Variants in PAN3 observed in about 807,000 individuals in gnomAD.
PAN3 encodes the protein PAN2-PAN3 deadenylation complex subunit PAN3.
A neutral mutation model predicts 96.2 loss-of-function variants in PAN3; 19 were observed. The observed-to-expected ratio is 0.20, with a 90% confidence interval of 0.14 to 0.29. The LOEUF (loss-of-function observed/expected upper bound fraction) is 0.29, where lower values mean the gene tolerates loss of function less well. Ranked by LOEUF, PAN3 falls within the 10% of genes least tolerant of loss-of-function variation. The pLI is 1.00. For synonymous variants in PAN3, 433 were observed against 406.6 expected (o/e 1.06, Z -0.78); for missense variants, 882 against 1,108.1 (o/e 0.80, Z 2.90).
At chr13:28,194,460 ATATATATTTTTTTTT>A (rs1278733584) in intron 4 of PAN3, among the ~76,000 whole-genome samples, 1 of 101,402 alleles carries the variant, frequency 9.9e-6, no homozygotes, top group Non-Finnish European at 1.9e-5. Context: ...GTATATATAT[ATATATATTTTTTTTT>A]TTTTTTTTTT....
At chr13:28,261,987 A>G (rs976056955) in intron 9 of PAN3, among the ~76,000 whole-genome samples, 8 of 152,168 alleles carry the variant, frequency 5.3e-5, no homozygotes, top group Non-Finnish European at 5.9e-5. Context: ...GAATATTTTT[A>G]TCTCCTGAAA....
chr13:28,225,868 G>A (rs535188724), intron 6 of PAN3, among the ~76,000 whole-genome samples: 6 of 152,208 alleles, frequency 3.9e-5, no homozygotes, highest in Admixed American at 3.9e-4. Context: ...TCAGGCAACC[G>A]GGGAGAAGTA....
At chr13:28,240,482 A>G (rs1373405987) in intron 6 of PAN3, among the ~76,000 whole-genome samples, 1 of 152,198 alleles carries the variant, frequency 6.6e-6, no homozygotes, top group Non-Finnish European at 1.5e-5. Flanking sequence ...TATTTTAATC[A>G]TTTGAAAGTT....
chr13:28,201,869 G>A (rs957005382), intron 5 of PAN3, among the ~76,000 whole-genome samples: 1 of 152,156 alleles, frequency 6.6e-6, no homozygotes, highest in African/African-American at 2.4e-5. Context: ...ACCTTTGCAT[G>A]TGGGTAAATA....
chr13:28,239,026 G>A (rs1392008529), intron 6 of PAN3, among the ~76,000 whole-genome samples: 2 of 151,964 alleles, frequency 1.3e-5, no homozygotes, highest in Non-Finnish European at 2.9e-5. Context: ...AAGTGAATCA[G>A]AACCTTGAAT....
At chr13:28,237,787 T>G (rs1301775714) in intron 6 of PAN3, among the ~76,000 whole-genome samples, 1 of 152,212 alleles carries the variant, frequency 6.6e-6, no homozygotes, top group East Asian at 1.9e-4. Context: ...TGTGTACTCA[T>G]GTGTTCAAGT....
intron 6 of PAN3, chr13:28,239,858 TTA>T: frequency 2.9e-6 from 1 of 340,004 alleles, no homozygotes; most frequent in Non-Finnish European, 5.6e-6. Context: ...TCAAACTTCT[TTA>T]AAGTGGATAA....
chr13:28,231,546 CATAG>C (rs1391904268), intron 6 of PAN3, among the ~76,000 whole-genome samples: 3 of 152,060 alleles, frequency 2.0e-5, no homozygotes, highest in Non-Finnish European at 4.4e-5. Context: ...AAGTATCTAT[CATAG>C]ATAGATATTC....
intron 6 of PAN3, among the ~76,000 whole-genome samples, chr13:28,247,837 A>G (rs150880812): frequency 1.3e-5 from 2 of 152,252 alleles, no homozygotes; most frequent in East Asian, 3.9e-4. Context: ...ACTTTGTAAT[A>G]TATTTTGAAG....
chr13:28,139,099 T>C lies in PAN3; in HGVS notation c.430+12T>C. On this transcript the variant is annotated intron_variant, in intron 1 of 18. Coordinates refer to ENST00000380958, the MANE Select transcript of PAN3 (RefSeq NM_175854.8). ...ACCGCGGCTGGCAAGTGAGTGTTTT[T>C]CGGGCGGGGCGGGCCGCGGCGGCGG... 1 of 1,260,422 alleles carries C rather than the reference T, an allele frequency of 7.9e-7. No homozygotes were observed. Among genetic ancestry groups the C allele is most frequent in the Non-Finnish European group, 1.0e-6 (1 of 1,003,718 alleles). The allele number at this position is 1,260,422 out of a possible 1,614,324, so 78.1% of individuals were successfully genotyped here. A position where few individuals can be genotyped will look rare whatever the true frequency, so the allele number is the denominator to read the frequency against.
At chr13:28,252,840 C>G (rs187904363) in intron 6 of PAN3, among the ~76,000 whole-genome samples, 148 of 152,060 alleles carry the variant, frequency 9.7e-4, no homozygotes, top group African/African-American at 3.4e-3. Flanking sequence ...AAATTTTCAT[C>G]CTTCTAGATT....
intron 18 of PAN3, among the ~76,000 whole-genome samples, chr13:28,289,858 G>A (rs1280428733): frequency 6.6e-6 from 1 of 152,172 alleles, no homozygotes; most frequent in African/African-American, 2.4e-5. Context: ...CTCCAGTCTG[G>A]CCGATAGAGC....
chr13:28,222,411 A>G (rs1036907831), intron 6 of PAN3, among the ~76,000 whole-genome samples: 1 of 152,142 alleles, frequency 6.6e-6, no homozygotes, highest in African/African-American at 2.4e-5. Context: ...CTCTGGAACC[A>G]TTGGAAATAG....
intron 4 of PAN3, among the ~76,000 whole-genome samples, chr13:28,184,073 C>T (rs1237526456): frequency 6.6e-6 from 1 of 152,116 alleles, no homozygotes; most frequent in African/African-American, 2.4e-5. Context: ...CAGGCCTCCT[C>T]CTCCCCCAGT....
At chr13:28,269,410 A>G (rs1886428684) in intron 12 of PAN3, among the ~76,000 whole-genome samples, 1 of 152,064 alleles carries the variant, frequency 6.6e-6, no homozygotes, top group Admixed American at 6.6e-5. Flanking sequence ...CATACCATAC[A>G]TGCATAAAAG....
intron 4 of PAN3, 71 bp downstream of exon 4, chr13:28,178,006 G>A: frequency 7.2e-7 from 1 of 1,397,844 alleles, no homozygotes; most frequent in African/African-American, 1.4e-5. Context: ...TACCTATGTA[G>A]TGTCAATGTT....
chr13:28,172,855 G>A (rs1593406767), intron 1 of PAN3, among the ~76,000 whole-genome samples: 1 of 152,132 alleles, frequency 6.6e-6, no homozygotes, highest in African/African-American at 2.4e-5. Context: ...GCAGGAGTTC[G>A]AGACCAGCCT....
At chr13:28,291,120 G>A (rs1292611293) in intron 18 of PAN3, among the ~76,000 whole-genome samples, 1 of 151,998 alleles carries the variant, frequency 6.6e-6, no homozygotes, top group African/African-American at 2.4e-5. Flanking sequence ...GGGAAGGATG[G>A]CCAGATTGAT....
At chr13:28,141,008 T>TATTTATTTA (rs201496284) in intron 1 of PAN3, among the ~76,000 whole-genome samples, 6 of 128,496 alleles carry the variant, frequency 4.7e-5, no homozygotes, top group African/African-American at 1.7e-4. Flanking sequence ...AGACACTTTT[T>TATTTATTTA]TTTTTTTTTT....
Sources: allele counts gnomAD v4.1 joint callset (sites outside exome capture counted in the v4.1 genomes callset), GRCh38; gene constraint gnomAD v4.1.1; transcripts MANE v1.5; gene names NCBI Gene and HGNC (gene_info 2026-07-23, HGNC 2026-07-21).